FOXM1: variants seen among roughly 807,000 people sequenced by gnomAD.
FOXM1 encodes forkhead box protein M1.
Under a neutral mutation model 63.6 loss-of-function variants are expected in FOXM1, and 25 were observed. The observed-to-expected ratio is 0.39, with a 90% CI of 0.29 to 0.55. FOXM1 has a LOEUF of 0.55. Among genes scored for constraint, FOXM1 ranks in the 20% least tolerant of loss-of-function variants. The pLI, the probability that FOXM1 is intolerant of heterozygous loss-of-function variation, is 0.60. For synonymous variants in FOXM1, 387 were observed against 376.9 expected (o/e 1.03, Z -0.31); for missense variants, 879 against 958.7 (o/e 0.92, Z 1.10).
At chr12:2,876,012 C>T (rs1366705466) in intron 1 of FOXM1, among the ~76,000 whole-genome samples, 1 of 151,882 alleles carries the variant, frequency 6.6e-6, no homozygotes, top group South Asian at 2.1e-4. Flanking sequence ...CCACCCGCCT[C>T]GGCCTCCCAA....
At chr12:2,866,631 GGCTTCGTC>G in intron 4 of FOXM1, 110 bp from the exon 5 acceptor site, 3 of 1,176,384 alleles carry the variant, frequency 2.6e-6, no homozygotes, top group Non-Finnish European at 3.4e-6. Context: ...GCTCAGCACA[GGCTTCGTC>G]TGGTGTCTTT....
At chr12:2,876,747 G>A (rs1565482687) in intron 1 of FOXM1, among the ~76,000 whole-genome samples, 173 bp downstream of exon 1, 1 of 152,230 alleles carries the variant, frequency 6.6e-6, no homozygotes, top group Admixed American at 6.5e-5. Context: ...GCCACGGCCA[G>A]GAGGTGGACG....
intron 1 of FOXM1, among the ~76,000 whole-genome samples, chr12:2,875,620 T>G (rs1334876709): frequency 6.6e-6 from 1 of 152,196 alleles, no homozygotes; most frequent in Non-Finnish European, 1.5e-5. Context: ...AGCATGCCAC[T>G]TTATTAATTT....
intron 3 of FOXM1, 97 bp downstream of exon 3, chr12:2,871,999 T>C (rs1469017532): frequency 7.7e-7 from 1 of 1,297,652 alleles, no homozygotes; most frequent in African/African-American, 1.5e-5. Context: ...TACCAGAACT[T>C]GGAAATTCTG....
At position 2,864,899 on chromosome 12, in the gene FOXM1, G is replaced by C; in HGVS notation, c.1021-147C>G. On this transcript the variant is annotated intron_variant, in intron 6 of 8. Coordinates refer to ENST00000359843, the MANE Select transcript of FOXM1 (RefSeq NM_021953.4). The surrounding 1 kb of genome is among the most constrained non-coding windows in gnomAD (Gnocchi z 5.1). ...AGGAGGCCAACCTGAGGGGATGGAC[G>C]TAGGCGAGCAGTCTCCAAAACTGTG... is the stretch of plus-strand genomic sequence containing the variant. The C allele has an allele frequency of 3.7e-6, 3 of 810,494 alleles. No homozygotes were observed. The highest frequency in any genetic ancestry group is 6.2e-6 in the Non-Finnish European group (3 of 484,440). 50.2% of individuals were successfully genotyped at this position (810,494 alleles called of 1,614,324 possible). A position where few individuals can be genotyped will look rare whatever the true frequency, so the allele number is the denominator to read the frequency against.
chr12:2,874,190 C>G lies in FOXM1; in HGVS notation c.289G>C (p.Glu97Gln), dbSNP rs971652336. The G allele has an allele frequency of 1.2e-6, 2 of 1,614,112 alleles. No homozygotes were observed. The highest frequency in any genetic ancestry group is 2.7e-5 in the African/African-American group (2 of 74,946). The change falls in exon 2 of 9, where the codon GAG (glutamate) becomes CAG (glutamine). Residue 97 changes from glutamate (E) to glutamine (Q), a missense_variant. This residue lies in a region of FOXM1 where 255 missense variants were observed against 292.4 expected (regional missense o/e 0.87). Coordinates refer to ENST00000359843, the MANE Select transcript of FOXM1 (RefSeq NM_021953.4). The surrounding 1 kb of genome is among the most constrained non-coding windows in gnomAD (Gnocchi z 4.3). ...IITALTAKGK[E>Q]SGSSGPNKFI... ...TTGTTGGGCCCACTACTGCCACTCT[C>G]TTTTCCCTTGGCAGTCAGTGCTGTG...
At position 2,859,030 on chromosome 12, in the gene FOXM1, C is replaced by T; in HGVS notation, c.1900G>A (p.Gly634Arg). The T allele has an allele frequency of 6.2e-7, 1 of 1,610,470 alleles. No individual in the cohort carries two copies. The highest frequency in any genetic ancestry group is 8.5e-7 in the Non-Finnish European group (1 of 1,178,176). ...WRLTPPAKVG[G>R]LDFSPVQTSQ... ...GTTTGTACTGGGCTGAAATCCAGTC[C>T]CCCTACTTTGGCTGGGGGCGTGAGC... The change falls in exon 9 of 9, where the codon GGA (glycine) becomes AGA (arginine). Residue 634 changes from glycine to arginine, a missense_variant. Physicochemically the swap from Gly to Arg is moderately radical, Grantham distance 125. Around this residue, in one of 4 missense-constraint regions of FOXM1, gnomAD observed 486 missense variants for 453.5 expected, o/e 1.07. Coordinates refer to ENST00000359843, the MANE Select transcript of FOXM1 (RefSeq NM_021953.4).
chr12:2,875,761 A>ATTT lies in FOXM1; in HGVS notation c.-48+1156_-48+1158dup, dbSNP rs568267379. Among the ~76,000 whole-genome samples, 26 of 133,368 alleles carry ATTT rather than the reference A, an allele frequency of 1.9e-4. No homozygotes were observed. The South Asian group carries it at 4.8e-3, about 25-fold the overall frequency. The allele number at this position is 133,368 out of a possible 152,430, so 87.5% of individuals were successfully genotyped here. A position where few individuals can be genotyped will look rare whatever the true frequency, so the allele number is the denominator to read the frequency against. On this transcript the variant is annotated intron_variant, in intron 1 of 8. Transcript: ENST00000359843. ...TTAAGTCTTTTGTTGATTTTTTTTA[A>ATTT]TTTTTTTTTTTTTTTTGAGACGGAG...
In FOXM1 at chr12:2,858,624, G is replaced by C; in HGVS notation, c.*14C>G. The C allele has an allele frequency of 6.2e-7, 1 of 1,607,446 alleles. No individual in the cohort carries two copies. Among genetic ancestry groups the C allele is most frequent in the Non-Finnish European group, 8.5e-7 (1 of 1,176,006 alleles). On this transcript the variant is annotated 3_prime_UTR_variant, in exon 9 of 9. Transcript: ENST00000359843. Reference sequence around the variant, plus strand: ...GATGGTGGACAGCTTGAGCACAGGGGCAAGGGCAGGGCTCTACTGTAGCTC... The same window carrying C: ...GATGGTGGACAGCTTGAGCACAGGGCCAAGGGCAGGGCTCTACTGTAGCTC...
At chr12:2,859,969 G>A (rs544472652) in intron 8 of FOXM1, among the ~76,000 whole-genome samples, 10 of 152,170 alleles carry the variant, frequency 6.6e-5, no homozygotes, top group African/African-American at 2.4e-4. Context: ...ATGGTAGCGG[G>A]TAGTGACATT....
rs2098118767 is a variant in FOXM1 at position 2,864,041 on chromosome 12, A to G, written c.1266+279T>C. The G allele has an allele frequency of 9.0e-6, 3 of 334,526 alleles. No homozygotes were observed. The highest frequency in any genetic ancestry group is 8.3e-5 in the Admixed American group (2 of 24,050). 20.7% of individuals were successfully genotyped at this position (334,526 alleles called of 1,614,324 possible). A position where few individuals can be genotyped will look rare whatever the true frequency, so the allele number is the denominator to read the frequency against. Reference sequence around the variant, plus strand: ...TTTCTAAGGCCTGCCTCCCTTGTGTATCTTCCTTAATAATCCTAGCCCATC... The same window carrying G: ...TTTCTAAGGCCTGCCTCCCTTGTGTGTCTTCCTTAATAATCCTAGCCCATC... On this transcript the variant is annotated intron_variant, in intron 8 of 8. Transcript: ENST00000359843. This position sits in a 1 kb window ranked among gnomAD's most constrained non-coding sequence, Gnocchi z 5.1.
At chr12:2,867,954 T>C (rs1312275281) in intron 4 of FOXM1, among the ~76,000 whole-genome samples, 6 of 132,966 alleles carry the variant, frequency 4.5e-5, no homozygotes, top group African/African-American at 1.7e-4. Flanking sequence ...CACTCCAGCC[T>C]GGGTGACAGA....
Position 2,859,240 on chromosome 12 carries a change from C to A in FOXM1, c.1690G>T (p.Glu564Ter). Residue 564 changes from glutamate (E) to a stop codon, truncating the protein, a stop_gained, in exon 9 of 9, where the codon GAG becomes TAG. Transcript: ENST00000359843. LOFTEE classifies it high-confidence loss of function. ...CVDEPELLFS[E>*]GPSTSRWAAE... is the part of the protein sequence containing the mutation. ...GCCCAGCGGGAAGTACTGGGCCCCT[C>A]TGAGAAGAGCAGCTCCGGCTCATCC... 6.2e-7 allele frequency: 1 copy of A among 1,613,710 alleles called. No homozygotes were observed. Among genetic ancestry groups the A allele is most frequent in the Non-Finnish European group, 8.5e-7 (1 of 1,179,996 alleles).
intron 3 of FOXM1, among the ~76,000 whole-genome samples, chr12:2,870,957 C>CA (rs11310343): frequency 0.14 from 5,368 of 38,536 alleles, 589 homozygotes; most frequent in East Asian, 0.2. Flanking sequence ...GACTACGTCT[C>CA]AAAAAAAAAA....
intron 8 of FOXM1, chr12:2,861,304 A>G (rs544378915): frequency 1.4e-6 from 1 of 732,754 alleles, no homozygotes; most frequent in Non-Finnish European, 2.5e-6. Context: ...CTTACTGATA[A>G]ACAAAGAAAG....
At chr12:2,867,617 G>A (rs1317045572) in intron 4 of FOXM1, among the ~76,000 whole-genome samples, 12 of 142,352 alleles carry the variant, frequency 8.4e-5, no homozygotes, top group African/African-American at 2.6e-4. Context: ...AGCCGAGATC[G>A]CGCCACTGCA....
intron 4 of FOXM1, among the ~76,000 whole-genome samples, chr12:2,867,975 G>C (rs1480310123): frequency 8.3e-6 from 1 of 120,742 alleles, no homozygotes; most frequent in Non-Finnish European, 1.7e-5. Flanking sequence ...GCGAGACTCT[G>C]TCTCAAAAAA....
chr12:2,864,652 C>T lies in FOXM1; in HGVS notation c.1090+31G>A, dbSNP rs771804320. 6.2e-7 allele frequency: 1 copy of T among 1,611,422 alleles called. No individual in the cohort carries two copies. Among genetic ancestry groups the T allele is most frequent in the South Asian group, 1.1e-5 (1 of 90,982 alleles). ...TAAAGATATGGCCCCAGAACAAGGA[C>T]CAGGCCCAAGGCCCACTCTCCCATA... On this transcript the variant is annotated intron_variant, in intron 7 of 8. Transcript: ENST00000359843. This position sits in a 1 kb window ranked among gnomAD's most constrained non-coding sequence, Gnocchi z 5.1.
Position 2,874,561 on chromosome 12 carries a change from T to C in FOXM1, c.-47-36A>G, listed in dbSNP as rs145513809. 7.0e-7 allele frequency: 1 copy of C among 1,425,866 alleles called. No homozygotes were observed. The highest frequency in any genetic ancestry group is 1.4e-5 in the South Asian group (1 of 73,354). 88.3% of individuals were successfully genotyped at this position (1,425,866 alleles called of 1,614,324 possible). On this transcript the variant is annotated intron_variant, in intron 1 of 8. Coordinates refer to ENST00000359843, the MANE Select transcript of FOXM1 (RefSeq NM_021953.4). This position sits in a 1 kb window ranked among gnomAD's most constrained non-coding sequence, Gnocchi z 4.3. ...CAAATAGTGGCAAGATGTTAGAGAT[T>C]GTTTAGGCTGAGAAGAGGTCCTTTT...
Sources: gnomAD v4.1 joint callset for allele counts (sites outside exome capture counted in the v4.1 genomes callset) on GRCh38, gnomAD v4.1.1 for gene constraint, gnomAD v4.1.1 regional missense constraint, Gnocchi (gnomAD v3.1) non-coding constraint, MANE v1.5 for transcripts, NCBI Gene and HGNC (gene_info 2026-07-23, HGNC 2026-07-21) for gene names.